SPRYD7: variants seen among roughly 807,000 people sequenced by gnomAD.
The protein encoded by SPRYD7 is SPRY domain containing 7.
A neutral mutation model predicts 23.8 loss-of-function variants in SPRYD7; 14 were observed. That is an observed-to-expected ratio of 0.59 (90% CI 0.39 to 0.92). SPRYD7 has a LOEUF of 0.92. Ranked by LOEUF, SPRYD7 falls within the 40% of genes least tolerant of loss-of-function variation. The pLI, the probability that SPRYD7 is intolerant of heterozygous loss-of-function variation, is 0.00. For synonymous variants in SPRYD7, 75 were observed against 84.9 expected (o/e 0.88, Z 0.64); for missense variants, 194 against 241.7 (o/e 0.80, Z 1.31).
intron 2 of SPRYD7, among the ~76,000 whole-genome samples, chr13:49,928,696 G>T (rs1486437972): frequency 6.6e-6 from 1 of 152,338 alleles, no homozygotes; most frequent in South Asian, 2.1e-4. Flanking sequence ...CACTTGAACA[G>T]TGTAAGTACT....
chr13:49,929,916 A>G (rs1458655989), intron 2 of SPRYD7, among the ~76,000 whole-genome samples: 1 of 151,818 alleles, frequency 6.6e-6, no homozygotes, highest in Non-Finnish European at 1.5e-5. Flanking sequence ...TAGCCTCCCG[A>G]GTAACTGGGA....
At chr13:49,923,226 T>A (rs570609768) in intron 3 of SPRYD7, among the ~76,000 whole-genome samples, 2 of 152,000 alleles carry the variant, frequency 1.3e-5, no homozygotes, top group African/African-American at 4.8e-5. Context: ...CAGTGGCCGA[T>A]TGCAAACAAA....
intron 3 of SPRYD7, among the ~76,000 whole-genome samples, chr13:49,925,262 C>T (rs757649875): frequency 1.3e-5 from 2 of 151,296 alleles, no homozygotes; most frequent in African/African-American, 2.4e-5. Flanking sequence ...CGTGGTGGCA[C>T]GCACTTGTAG....
At chr13:49,920,729 G>A (rs529065412) in intron 4 of SPRYD7, among the ~76,000 whole-genome samples, 14 of 152,256 alleles carry the variant, frequency 9.2e-5, no homozygotes, top group African/African-American at 3.4e-4. Flanking sequence ...GGGAGGTTGA[G>A]GTGGGTGGAT....
intron 4 of SPRYD7, among the ~76,000 whole-genome samples, chr13:49,916,681 A>C (rs1955755805): frequency 6.6e-6 from 1 of 152,114 alleles, no homozygotes; most frequent in African/African-American, 2.4e-5. Context: ...CATCCAGGGA[A>C]GGGGAAACAC....
chr13:49,923,537 C>T (rs900410554), intron 3 of SPRYD7, among the ~76,000 whole-genome samples: 35 of 152,214 alleles, frequency 2.3e-4, no homozygotes, highest in Non-Finnish European at 4.6e-4. Context: ...GGCCACCGCG[C>T]CCAGCCTCAA....
At chr13:49,924,985 A>T (rs59501055) in intron 3 of SPRYD7, among the ~76,000 whole-genome samples, 5,232 of 134,966 alleles carry the variant, frequency 0.039, 178 homozygotes, top group African/African-American at 0.097. Flanking sequence ...TCAAAAAAAA[A>T]AAATAAATAA....
At chr13:49,923,517 T>G (rs531195787) in intron 3 of SPRYD7, among the ~76,000 whole-genome samples, 21 of 152,348 alleles carry the variant, frequency 1.4e-4, no homozygotes, top group African/African-American at 5.1e-4. Context: ...ATGCGGAGAT[T>G]ACAGGCGTTG....
chr13:49,936,146 C>A lies in SPRYD7; in HGVS notation c.90G>T (p.Leu30=). 3 of 1,605,364 alleles carry A rather than the reference C, an allele frequency of 1.9e-6. No individual in the cohort carries two copies. Among genetic ancestry groups the A allele is most frequent in the Non-Finnish European group, 2.5e-6 (3 of 1,177,330 alleles). The change falls in exon 1 of 5, where the codon CTG becomes CTT. Residue 30 remains leucine, a synonymous_variant. Coordinates refer to ENST00000361840, the MANE Select transcript of SPRYD7 (RefSeq NM_020456.4). ...GGCCCTTACCCATGTGCTGCGTGTC[C>A]AGCTGCACGGCCGGCATCTCCTTCA... is the stretch of plus-strand genomic sequence containing the variant. ...IPLKEMPAVQ[L]DTQHMGTDVV...
intron 4 of SPRYD7, among the ~76,000 whole-genome samples, chr13:49,918,492 T>C (rs1955777752): frequency 6.8e-6 from 1 of 148,148 alleles, no homozygotes; most frequent in African/African-American, 2.5e-5. Flanking sequence ...CACTGCAACC[T>C]CTGCCTCCTG....
rs552049581 is a variant in SPRYD7 at position 49,918,929 on chromosome 13, T to C, written c.493+2549A>G. Among the ~76,000 whole-genome samples the C allele has an allele frequency of 7.1e-4, 107 of 150,572 alleles. 1 individual carries two copies. The highest frequency in any genetic ancestry group is 2.5e-3 in the African/African-American group (101 of 41,160). ...TGGGGTTTCACCATGTTGGCCAGGC[T>C]GGTCTCAAACTCCTGACATCAAGTG... On this transcript the variant is annotated intron_variant, in intron 4 of 4. Transcript: ENST00000361840.
chr13:49,929,660 T>C lies in SPRYD7; in HGVS notation c.223+1358A>G, dbSNP rs551972153. 5.3e-5 allele frequency among the ~76,000 whole-genome samples: 8 copies of C among 152,032 alleles called. No individual in the cohort carries two copies. The South Asian group carries it at 1.7e-3, about 32-fold the overall frequency. ...ACAGGCGCCCACCACCACGCCTGAC[T>C]AATTTTTTGTACTTTTAGTAGAAAC... On this transcript the variant is annotated intron_variant, in intron 2 of 4. Coordinates refer to ENST00000361840, the MANE Select transcript of SPRYD7 (RefSeq NM_020456.4).
intron 3 of SPRYD7, among the ~76,000 whole-genome samples, chr13:49,922,825 A>AG (rs1016335242): frequency 4.0e-3 from 49 of 12,324 alleles, no homozygotes; most frequent in African/African-American, 0.016. Context: ...GTAAAAAAAA[A>AG]AAATTTTATA....
At chr13:49,931,926 C>T (rs561399618) in intron 1 of SPRYD7, among the ~76,000 whole-genome samples, 4 of 152,074 alleles carry the variant, frequency 2.6e-5, no homozygotes, top group Non-Finnish European at 4.4e-5. Context: ...CTAGCCTGGG[C>T]GAGAGAAGTA....
At chr13:49,921,677 C>A (rs1210096953) in intron 3 of SPRYD7, 97 bp from the exon 4 acceptor site, 2 of 701,510 alleles carry the variant, frequency 2.9e-6, no homozygotes, top group African/African-American at 3.6e-5. Flanking sequence ...CATAGGCTGA[C>A]AACAATTTTC....
At chr13:49,932,777 C>CT (rs1379026559) in intron 1 of SPRYD7, among the ~76,000 whole-genome samples, 2 of 152,174 alleles carry the variant, frequency 1.3e-5, no homozygotes, top group Non-Finnish European at 2.9e-5. Context: ...TTTTCAGATT[C>CT]TAACACAATT....
chr13:49,931,147 T>A lies in SPRYD7; in HGVS notation c.107-13A>T, dbSNP rs145273352. 1.4e-6 allele frequency: 2 copies of A among 1,474,354 alleles called. No individual in the cohort carries two copies. The highest frequency in any genetic ancestry group is 1.8e-5 in the Admixed American group (1 of 55,540). 91.3% of individuals were successfully genotyped at this position (1,474,354 alleles called of 1,614,324 possible). On this transcript the variant is annotated splice_polypyrimidine_tract_variant and intron_variant, in intron 1 of 4. Transcript: ENST00000361840. ...ACAACATCTGTTCCTAAACAAAAAATGCAGACACTATGTAAAGTTTTGTAT... is the reference window on the plus strand; with the variant it reads ...ACAACATCTGTTCCTAAACAAAAAAAGCAGACACTATGTAAAGTTTTGTAT...
chr13:49,921,723 A>G, intron 3 of SPRYD7, 143 bp from the exon 4 acceptor site: 1 of 588,624 alleles, frequency 1.7e-6, no homozygotes, highest in Non-Finnish European at 3.1e-6. Context: ...TCCTACTTGA[A>G]CTGAGCTAAA....
At chr13:49,916,758 C>G (rs540597364) in intron 4 of SPRYD7, among the ~76,000 whole-genome samples, 3 of 152,124 alleles carry the variant, frequency 2.0e-5, no homozygotes, top group Admixed American at 6.5e-5. Context: ...TTTATAAGCA[C>G]TGAAGAGGGA....
Sources: allele counts gnomAD v4.1 joint callset (sites outside exome capture counted in the v4.1 genomes callset), GRCh38; gene constraint gnomAD v4.1.1; transcripts MANE v1.5; gene names NCBI Gene and HGNC (gene_info 2026-07-23, HGNC 2026-07-21).